Variants in RPS10 observed in about 807,000 individuals in gnomAD.
The protein encoded by RPS10 is ribosomal protein S10.
Under a neutral mutation model 22.6 loss-of-function variants are expected in RPS10, and 2 were observed. The ratio of observed to expected loss-of-function variants is 0.09; its 90% CI spans 0.04 to 0.28. RPS10 has a LOEUF of 0.28. Among genes scored for constraint, RPS10 ranks in the 10% least tolerant of loss-of-function variants. The probability of loss-of-function intolerance (pLI) is 1.00; values close to 1 mark genes in which losing one functional copy is unlikely to be tolerated. For missense variants in RPS10, 137 were observed against 222.2 expected (o/e 0.62, Z 2.44); for synonymous variants, 70 against 75.9 (o/e 0.92, Z 0.40).
intron 5 of RPS10, chr6:34,417,935 T>A: frequency 1.4e-6 from 1 of 718,014 alleles, no homozygotes; most frequent in Non-Finnish European, 2.6e-6. Flanking sequence ...GTACTATGCC[T>A]GGATTAACTA....
At chr6:34,418,271 C>T in intron 5 of RPS10, 98 bp downstream of exon 5, 2 of 1,598,810 alleles carry the variant, frequency 1.3e-6, no homozygotes. Context: ...GTTGACAGGA[C>T]CCACCCATAC....
chr6:34,422,769 T>C (rs918105734), intron 3 of RPS10, among the ~76,000 whole-genome samples: 3 of 150,904 alleles, frequency 2.0e-5, no homozygotes, highest in African/African-American at 7.3e-5. Flanking sequence ...GCACAAACTT[T>C]AAGAGCTACC....
chr6:34,418,052 G>C (rs1163650002), intron 5 of RPS10: 2 of 811,790 alleles, frequency 2.5e-6, no homozygotes, highest in Admixed American at 5.5e-5. Flanking sequence ...AAAAGATGGA[G>C]GATTTGATTT....
chr6:34,423,889 G>C (rs1765855732), intron 3 of RPS10, among the ~76,000 whole-genome samples: 1 of 151,928 alleles, frequency 6.6e-6, no homozygotes, highest in Non-Finnish European at 1.5e-5. Context: ...AAAAAATTAT[G>C]TCTACCTAAT....
At chr6:34,424,582 AAGCTGACATC>A in intron 3 of RPS10, 77 bp downstream of exon 3, 1 of 1,554,870 alleles carries the variant, frequency 6.4e-7, no homozygotes, top group South Asian at 1.2e-5. Flanking sequence ...GAGCCCTCTA[AAGCTGACATC>A]AGCTAAGAAT....
intron 4 of RPS10, among the ~76,000 whole-genome samples, chr6:34,419,783 G>A (rs1245237665): frequency 6.6e-6 from 1 of 151,668 alleles, no homozygotes; most frequent in Non-Finnish European, 1.5e-5. Context: ...TCACCATGTT[G>A]TCCAGGCTGG....
intron 5 of RPS10, chr6:34,418,110 A>T: frequency 2.2e-6 from 3 of 1,351,104 alleles, no homozygotes; most frequent in Non-Finnish European, 3.0e-6. Flanking sequence ...TGTTTAGTTC[A>T]ATGTCAAGCA....
intron 3 of RPS10, among the ~76,000 whole-genome samples, chr6:34,423,450 A>G (rs984726950): frequency 6.6e-6 from 1 of 152,174 alleles, no homozygotes; most frequent in Non-Finnish European, 1.5e-5. Flanking sequence ...CTCCTTTTAG[A>G]GCAGAAATAA....
At chr6:34,419,939 G>A (rs1053199329) in intron 4 of RPS10, among the ~76,000 whole-genome samples, 2 of 152,088 alleles carry the variant, frequency 1.3e-5, no homozygotes, top group Non-Finnish European at 2.9e-5. Flanking sequence ...CTGGAATGTA[G>A]CAACAAGATC....
intron 4 of RPS10, among the ~76,000 whole-genome samples, chr6:34,419,623 GCTGGAGTGCAATGATGCAAT>G (rs1765696257): frequency 6.6e-6 from 1 of 151,574 alleles, no homozygotes; most frequent in Non-Finnish European, 1.5e-5. Context: ...TGTCCCTGAG[GCTGGAGTGCAATGATGCAAT>G]CTCAGCTCAC....
At chr6:34,418,479 C>T (rs1222925480) in intron 4 of RPS10, 55 bp from the exon 5 acceptor site, 20 of 1,612,514 alleles carry the variant, frequency 1.2e-5, no homozygotes, top group Non-Finnish European at 1.5e-5. Flanking sequence ...TACTATAGAA[C>T]AAGGGAAGAC....
At chr6:34,425,584 A>G (rs139826539) in intron 1 of RPS10, 206 of 335,328 alleles carry the variant, frequency 6.1e-4, no homozygotes, top group African/African-American at 3.5e-3. Context: ...CGGCTGTACC[A>G]TAAGGTACGC....
rs1581932494 is a variant in RPS10 at position 34,425,339 on chromosome 6, G to A, written c.1-118C>T. 121 of 1,336,316 alleles carry A rather than the reference G, an allele frequency of 9.1e-5. 2 individuals are homozygous for A. The South Asian group carries it at 9.3e-4, about 10-fold the overall frequency. The allele number at this position is 1,336,316 out of a possible 1,614,324, so 82.8% of individuals were successfully genotyped here. ...ACCGTAGACAACATGCTGGTGGGAA[G>A]ACTCAACTCCACAAAACAGATTCGG... is the stretch of plus-strand genomic sequence containing the variant. On this transcript the variant is annotated intron_variant, in intron 1 of 5. Transcript: ENST00000648437.
chr6:34,421,289 T>G (rs1183324963), intron 4 of RPS10, among the ~76,000 whole-genome samples: 2 of 151,910 alleles, frequency 1.3e-5, no homozygotes, highest in African/African-American at 4.8e-5. Flanking sequence ...GTTCAAGCAA[T>G]TCTCATGCCT....
At chr6:34,419,185 ATTT>A (rs200720907) in intron 4 of RPS10, among the ~76,000 whole-genome samples, 1 of 151,730 alleles carries the variant, frequency 6.6e-6, no homozygotes, top group Non-Finnish European at 1.5e-5. Context: ...TGCATGGCTA[ATTT>A]TTTTGTATTT....
chr6:34,419,453 G>A (rs1765688341), intron 4 of RPS10, among the ~76,000 whole-genome samples: 1 of 152,092 alleles, frequency 6.6e-6, no homozygotes, highest in African/African-American at 2.4e-5. Flanking sequence ...GTGAGCCACT[G>A]CACCCAGCCA....
chr6:34,425,018 G>A lies in RPS10; in HGVS notation c.150+54C>T. The A allele has an allele frequency of 4.3e-6, 7 of 1,610,986 alleles. No individual in the cohort carries two copies. In the Admixed American group the frequency reaches 5.0e-5, roughly 12 times the overall value. ...CCTCCATCCCATTCCATCCCATCCCGGGATGGGATCCCGGGGAGGAAGATC... is the reference window on the plus strand; with the variant it reads ...CCTCCATCCCATTCCATCCCATCCCAGGATGGGATCCCGGGGAGGAAGATC... On this transcript the variant is annotated intron_variant, in intron 2 of 5. Coordinates refer to ENST00000648437, the MANE Select transcript of RPS10 (RefSeq NM_001014.5).
At chr6:34,420,340 C>T (rs978880697) in intron 4 of RPS10, among the ~76,000 whole-genome samples, 3 of 152,122 alleles carry the variant, frequency 2.0e-5, no homozygotes, top group African/African-American at 4.8e-5. Flanking sequence ...CTCAGCCTCC[C>T]GAGTAGCTGA....
At chr6:34,421,673 G>GT in intron 4 of RPS10, 57 bp downstream of exon 4, 5 of 1,599,240 alleles carry the variant, frequency 3.1e-6, no homozygotes. Flanking sequence ...AGAGCCAGCT[G>GT]TGAGAATCCA....
Sources: allele counts gnomAD v4.1 joint callset (sites outside exome capture counted in the v4.1 genomes callset), GRCh38; gene constraint gnomAD v4.1.1; transcripts MANE v1.5; gene names NCBI Gene and HGNC (gene_info 2026-07-23, HGNC 2026-07-21).